GRIA4: variants seen among roughly 807,000 people sequenced by gnomAD.
GRIA4 encodes the protein glutamate ionotropic receptor AMPA type subunit 4.
Under a neutral mutation model 104.0 loss-of-function variants are expected in GRIA4, and 34 were observed. The ratio of observed to expected loss-of-function variants is 0.33; its 90% CI spans 0.25 to 0.44. The LOEUF (loss-of-function observed/expected upper bound fraction) is 0.44. GRIA4 is among the 20% of genes least tolerant of loss of function. The probability of loss-of-function intolerance (pLI) is 1.00; values close to 1 mark genes in which losing one functional copy is unlikely to be tolerated. For synonymous variants in GRIA4, 386 were observed against 381.9 expected, an observed-to-expected ratio of 1.01 and a Z score of -0.13; for missense variants, 750 against 1,096.5, an observed-to-expected ratio of 0.68 and a Z score of 4.46.
intron 3 of GRIA4, among the ~76,000 whole-genome samples, chr11:105,667,437 C>T (rs540207673): frequency 6.6e-5 from 10 of 151,956 alleles, no homozygotes; most frequent in Non-Finnish European, 1.3e-4. Context: ...GAAATGAACT[C>T]GTTTCTTTTC....
intron 13 of GRIA4, among the ~76,000 whole-genome samples, chr11:105,932,446 C>T (rs180743850): frequency 5.5e-4 from 83 of 152,238 alleles, no homozygotes; most frequent in Non-Finnish European, 8.5e-4. Flanking sequence ...GTCTGAGCCA[C>T]GGCACCTGGC....
rs1452418226 is a variant in GRIA4 at position 105,610,083 on chromosome 11, GA to G, written c.-435del. ...CCCCGCGCGCAGCCCAGTGGCAGAA[GA>G]GGGCTAGGCTGAGAGGGAAGCCAGG... On this transcript the variant is annotated 5_prime_UTR_variant, in exon 1 of 17. Coordinates refer to ENST00000282499, the MANE Select transcript of GRIA4 (RefSeq NM_000829.4). The G allele has an allele frequency of 2.0e-5, 3 of 152,598 alleles. No homozygotes were observed. The highest frequency in any genetic ancestry group is 4.4e-5 in the Non-Finnish European group (3 of 68,354). 9.5% of individuals were successfully genotyped at this position (152,598 alleles called of 1,614,324 possible).
chr11:105,641,118 T>C (rs1041313551), intron 3 of GRIA4, among the ~76,000 whole-genome samples: 2 of 152,096 alleles, frequency 1.3e-5, no homozygotes, highest in Non-Finnish European at 2.9e-5. Context: ...TTGAAGAAAG[T>C]AAAAGTAAAA....
chr11:105,831,701 C>A (rs1029303255), intron 4 of GRIA4, among the ~76,000 whole-genome samples: 4 of 151,964 alleles, frequency 2.6e-5, no homozygotes, highest in African/African-American at 9.7e-5. Flanking sequence ...TCCACAGACT[C>A]TTCTCTATTG....
intron 10 of GRIA4, chr11:105,911,808 A>G (rs1249322602): frequency 1.2e-5 from 4 of 329,766 alleles, no homozygotes; most frequent in African/African-American, 2.5e-5. Flanking sequence ...ATATATATAT[A>G]TGTTTCTTTT....
At chr11:105,620,384 G>A (rs1950711610) in intron 3 of GRIA4, among the ~76,000 whole-genome samples, 2 of 151,874 alleles carry the variant, frequency 1.3e-5, no homozygotes, top group African/African-American at 2.4e-5. Flanking sequence ...TAGAAAATTT[G>A]TCTAAGACCT....
intron 4 of GRIA4, among the ~76,000 whole-genome samples, chr11:105,816,970 T>C (rs1329959680): frequency 6.9e-6 from 1 of 145,924 alleles, no homozygotes; most frequent in African/African-American, 2.6e-5. Context: ...CAGTGAGCTA[T>C]GATTGTGCTA....
chr11:105,734,553 G>A (rs1938812462), intron 3 of GRIA4, among the ~76,000 whole-genome samples: 1 of 151,988 alleles, frequency 6.6e-6, no homozygotes, highest in African/African-American at 2.4e-5. Flanking sequence ...GAACAAGGTG[G>A]CTTCCCATCT....
At chr11:105,672,106 C>A (rs1952392891) in intron 3 of GRIA4, among the ~76,000 whole-genome samples, 1 of 152,024 alleles carries the variant, frequency 6.6e-6, no homozygotes, top group African/African-American at 2.4e-5. Context: ...TATGACATGG[C>A]ACAAAATAGA....
intron 4 of GRIA4, among the ~76,000 whole-genome samples, chr11:105,839,434 C>T (rs1463027461): frequency 7.8e-6 from 1 of 128,976 alleles, no homozygotes; most frequent in Non-Finnish European, 1.6e-5. Context: ...TCTATTCTGA[C>T]AGTGACTTCC....
chr11:105,717,865 C>A (rs1954153491), intron 3 of GRIA4, among the ~76,000 whole-genome samples: 1 of 108,698 alleles, frequency 9.2e-6, no homozygotes, highest in Non-Finnish European at 1.8e-5. Flanking sequence ...CTCCCCCCTC[C>A]CCCCACCCCA....
intron 3 of GRIA4, among the ~76,000 whole-genome samples, chr11:105,688,541 C>T (rs1402700451): frequency 2.0e-5 from 3 of 151,252 alleles, no homozygotes; most frequent in African/African-American, 4.9e-5. Context: ...CCAGCCTGGG[C>T]GACAGAGTGA....
At chr11:105,803,035 C>T (rs1942789656) in intron 4 of GRIA4, among the ~76,000 whole-genome samples, 1 of 151,894 alleles carries the variant, frequency 6.6e-6, no homozygotes, top group African/African-American at 2.4e-5. Flanking sequence ...CAAGACCTTT[C>T]AACTCAAAAG....
intron 3 of GRIA4, among the ~76,000 whole-genome samples, chr11:105,686,473 C>T (rs377248066): frequency 2.0e-5 from 3 of 152,192 alleles, no homozygotes; most frequent in African/African-American, 4.8e-5. Flanking sequence ...CTAGTCAACC[C>T]TTGATGGGCA....
intron 6 of GRIA4, 100 bp from the exon 7 acceptor site, chr11:105,898,169 A>C: frequency 2.0e-6 from 1 of 500,886 alleles, no homozygotes; most frequent in Non-Finnish European, 3.5e-6. Context: ...GCTTTATTAA[A>C]AATCTTTTAA....
intron 4 of GRIA4, among the ~76,000 whole-genome samples, chr11:105,816,998 TAACAAGTGA>T (rs112059194): frequency 1 from 152,045 of 152,098 alleles, 75,996 homozygotes; most frequent in Middle Eastern, 1. Flanking sequence ...CCAGCCTGGG[TAACAAGTGA>T]AACAGAGTGA....
At chr11:105,722,024 A>G (rs1290053271) in intron 3 of GRIA4, among the ~76,000 whole-genome samples, 1 of 152,194 alleles carries the variant, frequency 6.6e-6, no homozygotes, top group Admixed American at 6.5e-5. Flanking sequence ...AGAAATAGCT[A>G]TTCTTGATAT....
intron 3 of GRIA4, among the ~76,000 whole-genome samples, chr11:105,699,333 T>C (rs191820785): frequency 7.9e-5 from 12 of 152,276 alleles, no homozygotes; most frequent in East Asian, 5.8e-4. Context: ...GTGGGACTGA[T>C]AGAATTATTC....
chr11:105,845,000 C>T (rs1019393514), intron 4 of GRIA4, among the ~76,000 whole-genome samples: 19 of 152,206 alleles, frequency 1.2e-4, no homozygotes, highest in Non-Finnish European at 2.1e-4. Flanking sequence ...GGTCAATGTT[C>T]TGGTAATCTA....
Sources: allele counts gnomAD v4.1 joint callset (sites outside exome capture counted in the v4.1 genomes callset), GRCh38; gene constraint gnomAD v4.1.1; transcripts MANE v1.5; gene names NCBI Gene and HGNC (gene_info 2026-07-23, HGNC 2026-07-21).